Variants in GPR180 observed in about 807,000 individuals in gnomAD.
The protein encoded by GPR180 is G protein-coupled receptor 180.
In GPR180, 53 loss-of-function variants were observed where a neutral mutation model predicts 52.6. That is an observed-to-expected ratio of 1.01 (90% CI 0.81 to 1.27). The LOEUF is 1.27. Ranked by LOEUF, GPR180 falls within the 50% of genes most tolerant of loss-of-function variation. The pLI is 0.00. For synonymous variants in GPR180, 200 were observed against 193.1 expected (o/e 1.04, Z -0.30); for missense variants, 533 against 527.0 (o/e 1.01, Z -0.11).
At chr13:94,620,825 A>T (rs1889840822) in intron 5 of GPR180, among the ~76,000 whole-genome samples, 1 of 152,182 alleles carries the variant, frequency 6.6e-6, no homozygotes, top group Admixed American at 6.5e-5. Flanking sequence ...TGGTATGGGC[A>T]TATATATGTA....
intron 5 of GPR180, 108 bp from the exon 6 acceptor site, chr13:94,620,970 C>T: frequency 2.0e-6 from 2 of 989,198 alleles, no homozygotes. Context: ...TTGAAAATGG[C>T]TTTTTGTGGT....
At chr13:94,618,002 G>A (rs1225622905) in intron 3 of GPR180, among the ~76,000 whole-genome samples, 2 of 152,122 alleles carry the variant, frequency 1.3e-5, no homozygotes, top group Non-Finnish European at 2.9e-5. Context: ...AAGATTGCAC[G>A]TGAACACAGA....
At chr13:94,614,587 T>A (rs1889752966) in intron 3 of GPR180, among the ~76,000 whole-genome samples, 1 of 152,242 alleles carries the variant, frequency 6.6e-6, no homozygotes, top group African/African-American at 2.4e-5. Context: ...TGTCTTCCAG[T>A]GTTTTCCTCA....
rs373590815 is a variant in GPR180, at chr13:94,634,524, T to A, written c.*7353T>A. ...AATATGTTAATGTTTTCTTTCATTA[T>A]GTTGCATATGGCTTTTGTTTTCTGC... On this transcript the variant is annotated 3_prime_UTR_variant, in exon 9 of 9. Transcript: ENST00000376958. The A allele has an allele frequency of 6.6e-6, 1 of 152,158 alleles. No individual in the cohort carries two copies. The highest frequency in any genetic ancestry group is 2.1e-4 in the South Asian group (1 of 4,828). The allele number at this position is 152,158 out of a possible 1,614,324, so 9.4% of individuals were successfully genotyped here. A position where few individuals can be genotyped will look rare whatever the true frequency, so the allele number is the denominator to read the frequency against.
In GPR180 at chr13:94,631,918, A is replaced by C. The variant is rs1890004247; in HGVS notation, c.*4747A>C. The stretch of plus-strand genomic sequence containing the variant: ...CCATGTGTCTGGTTTCTGGCCTGCC[A>C]CAACCAGAAGCACCAATTTAAAAGA... On this transcript the variant is annotated 3_prime_UTR_variant, in exon 9 of 9. Coordinates refer to ENST00000376958, the MANE Select transcript of GPR180 (RefSeq NM_180989.6). The C allele has an allele frequency of 6.6e-6, 1 of 152,106 alleles. No individual in the cohort carries two copies. The highest frequency in any genetic ancestry group is 2.4e-5 in the African/African-American group (1 of 41,428). 9.4% of individuals were successfully genotyped at this position (152,106 alleles called of 1,614,324 possible).
rs1216884587 is a variant in GPR180, at chr13:94,628,995, TG to T, written c.*1825del. ...CATATATGAAATTTATTACTCTGCT[TG>T]CATTTATGAAACTAACCAGTTTTTT... On this transcript the variant is annotated 3_prime_UTR_variant, in exon 9 of 9. Transcript: ENST00000376958. The T allele has an allele frequency of 6.6e-6, 1 of 152,134 alleles. No homozygotes were observed. Among genetic ancestry groups the T allele is most frequent in the Non-Finnish European group, 1.5e-5 (1 of 67,970 alleles). 9.4% of individuals were successfully genotyped at this position (152,134 alleles called of 1,614,324 possible).
chr13:94,633,326 G>T lies in GPR180; in HGVS notation c.*6155G>T, dbSNP rs6492725. 0.64 allele frequency: 97,480 copies of T among 151,932 alleles called. 33,310 individuals carry two copies. Among genetic ancestry groups the T allele is most frequent in the African/African-American group, 0.88 (36,633 of 41,500 alleles). 9.4% of individuals were successfully genotyped at this position (151,932 alleles called of 1,614,324 possible). On this transcript the variant is annotated 3_prime_UTR_variant, in exon 9 of 9. Coordinates refer to ENST00000376958, the MANE Select transcript of GPR180 (RefSeq NM_180989.6). ...CAGAAGCCATTGCAAATATCCTGATGATCCGTGCAAAACAAAAACACTTAA... is the reference window on the plus strand; with the variant it reads ...CAGAAGCCATTGCAAATATCCTGATTATCCGTGCAAAACAAAAACACTTAA...
chr13:94,614,404 G>A (rs1889751023), intron 3 of GPR180, among the ~76,000 whole-genome samples: 1 of 152,198 alleles, frequency 6.6e-6, no homozygotes, highest in Admixed American at 6.5e-5. Context: ...TCTGGATCCT[G>A]ATATGCTTTT....
At chr13:94,610,475 T>C (rs1005413324) in intron 2 of GPR180, among the ~76,000 whole-genome samples, 2 of 152,216 alleles carry the variant, frequency 1.3e-5, no homozygotes, top group African/African-American at 4.8e-5. Context: ...ACAAGAACTC[T>C]GCACTAGCAG....
intron 2 of GPR180, among the ~76,000 whole-genome samples, chr13:94,608,572 A>G (rs1004463851): frequency 6.6e-6 from 1 of 152,228 alleles, no homozygotes; most frequent in African/African-American, 2.4e-5. Flanking sequence ...AACAAAATCC[A>G]AATCTTAAGT....
At position 94,623,134 on chromosome 13, in the gene GPR180, T is replaced by C. The variant is rs1889873837; in HGVS notation, c.920T>C (p.Phe307Ser). ...AGTGTTTTGCTACTTTGGGAACAGT[T>C]TGAAGATATCAGTCATCATAGCTAC... is the stretch of plus-strand genomic sequence containing the variant. ...TQSVLLLWEQ[F>S]EDISHHSYHS... The change falls in exon 7 of 9, where the codon TTT (phenylalanine) becomes TCT (serine). Residue 307 changes from phenylalanine (F) to serine (S), a missense_variant. Coordinates refer to ENST00000376958, the MANE Select transcript of GPR180 (RefSeq NM_180989.6). The C allele has an allele frequency of 6.2e-7, 1 of 1,613,708 alleles. No homozygotes were observed. Among genetic ancestry groups the C allele is most frequent in the Non-Finnish European group, 8.5e-7 (1 of 1,179,782 alleles).
chr13:94,602,368 CAA>C lies in GPR180; in HGVS notation c.145+299_145+300del, dbSNP rs1889570249. On this transcript the variant is annotated intron_variant, in intron 1 of 8. Coordinates refer to ENST00000376958, the MANE Select transcript of GPR180 (RefSeq NM_180989.6). ...AACCCTCCCCTTGGAAGCCAATGTG[CAA>C]AAGACTGGTCGGCCGCATCTTTCCA... Among the ~76,000 whole-genome samples, 5 of 152,224 alleles carry C rather than the reference CAA, an allele frequency of 3.3e-5. No individual in the cohort carries two copies. In the South Asian group the frequency reaches 1.0e-3, roughly 32 times the overall value.
intron 5 of GPR180, among the ~76,000 whole-genome samples, chr13:94,620,870 TAATA>T (rs1049118717): frequency 1.3e-5 from 2 of 152,166 alleles, no homozygotes; most frequent in Admixed American, 1.3e-4. Context: ...TTAACTATTT[TAATA>T]AATATATTAC....
Position 94,631,651 on chromosome 13 carries a change from A to C in GPR180, c.*4480A>C, listed in dbSNP as rs1432136915. On this transcript the variant is annotated 3_prime_UTR_variant, in exon 9 of 9. Transcript: ENST00000376958. ...GATGCTCAAAAATATTTTTGAGTGA[A>C]TGAAGGCAATGCTGAAAAAGTTCCA... The C allele has an allele frequency of 6.7e-6, 1 of 148,780 alleles. No individual in the cohort carries two copies. The highest frequency in any genetic ancestry group is 1.5e-5 in the Non-Finnish European group (1 of 67,476). The allele number at this position is 148,780 out of a possible 1,614,324, so 9.2% of individuals were successfully genotyped here. A position where few individuals can be genotyped will look rare whatever the true frequency, so the allele number is the denominator to read the frequency against.
chr13:94,619,079 G>A lies in GPR180; in HGVS notation c.506-71G>A, dbSNP rs898258018. Reference sequence around the variant, plus strand: ...AGTTCTAGAAATATATTGACAGGGAGATTTGAAAGCAGCCCAATACGATAA... The same window carrying A: ...AGTTCTAGAAATATATTGACAGGGAAATTTGAAAGCAGCCCAATACGATAA... On this transcript the variant is annotated intron_variant, in intron 3 of 8. Transcript: ENST00000376958. 6.0e-6 allele frequency: 7 copies of A among 1,175,646 alleles called. No individual in the cohort carries two copies. The East Asian group carries it at 1.7e-4, about 29-fold the overall frequency. The allele number at this position is 1,175,646 out of a possible 1,614,324, so 72.8% of individuals were successfully genotyped here.
chr13:94,621,055 C>T lies in GPR180; in HGVS notation c.737-23C>T, dbSNP rs374056840. ...TTTTATATTGTGAAAACTTGGTTGA[C>T]GTTGGTTTTCATGTCCCATTAGTTT... is the stretch of plus-strand genomic sequence containing the variant. On this transcript the variant is annotated intron_variant, in intron 5 of 8. Transcript: ENST00000376958. 2.3e-5 allele frequency: 37 copies of T among 1,578,934 alleles called. 1 individual carries two copies. In the South Asian group the frequency reaches 2.8e-4, roughly 12 times the overall value.
Position 94,627,022 on chromosome 13 carries a change from A to G in GPR180, c.1174A>G (p.Ile392Val). ...SDYQRDKVIT[I>V]GVILCQSVSM... The stretch of plus-strand genomic sequence containing the variant: ...TTCCTTTTCTTTTCAGGTTATTACA[A>G]TAGGTGTTATCCTTTGCCAGTCTGT... The change falls in exon 9 of 9, where the codon ATA becomes GTA. Residue 392 changes from isoleucine to valine, a missense_variant. Transcript: ENST00000376958. 6.3e-7 allele frequency: 1 copy of G among 1,599,046 alleles called. No homozygotes were observed. Among genetic ancestry groups the G allele is most frequent in the African/African-American group, 1.3e-5 (1 of 74,140 alleles).
At chr13:94,625,860 G>A (rs1454112925) in intron 7 of GPR180, 106 bp from the exon 8 acceptor site, 8 of 653,330 alleles carry the variant, frequency 1.2e-5, no homozygotes, top group East Asian at 2.8e-5. Flanking sequence ...CTAAAGGCCT[G>A]TTGAGGTTAA....
intron 1 of GPR180, among the ~76,000 whole-genome samples, chr13:94,602,413 A>G (rs1438306465): frequency 1.3e-5 from 2 of 151,896 alleles, no homozygotes; most frequent in Non-Finnish European, 2.9e-5. Flanking sequence ...CCCGCAAAGA[A>G]GCATATTTGC....
Sources: allele counts gnomAD v4.1 joint callset (sites outside exome capture counted in the v4.1 genomes callset), GRCh38; gene constraint gnomAD v4.1.1; transcripts MANE v1.5; gene names NCBI Gene and HGNC (gene_info 2026-07-23, HGNC 2026-07-21).